The following SYT9 variants were observed in gnomAD, a reference collection of about 807,000 sequenced individuals.
SYT9 encodes the protein synaptotagmin-9.
In SYT9, 22 loss-of-function variants were observed where a neutral mutation model predicts 48.4. The ratio of observed to expected loss-of-function variants is 0.45; its 90% CI spans 0.32 to 0.65. The LOEUF (loss-of-function observed/expected upper bound fraction) is 0.65, where lower values mean the gene tolerates loss of function less well. SYT9 is among the 30% of genes least tolerant of loss of function. SYT9 has a pLI of 0.03. For synonymous variants in SYT9, 265 were observed against 245.0 expected, an observed-to-expected ratio of 1.08 and a Z score of -0.76; for missense variants, 577 against 622.0, an observed-to-expected ratio of 0.93 and a Z score of 0.77.
chr11:7,449,750 C>T (rs1422925442), intron 6 of SYT9, among the ~76,000 whole-genome samples: 2 of 152,156 alleles, frequency 1.3e-5, no homozygotes, highest in African/African-American at 4.8e-5. Flanking sequence ...AAAATAAAGC[C>T]ACAGCCATCC....
chr11:7,297,536 A>G (rs1250302220), intron 1 of SYT9, among the ~76,000 whole-genome samples: 1 of 152,202 alleles, frequency 6.6e-6, no homozygotes. Context: ...TCTTAGTTGT[A>G]TGGTGTTTTA....
intron 1 of SYT9, among the ~76,000 whole-genome samples, chr11:7,294,754 C>G (rs1415687140): frequency 1.3e-5 from 2 of 152,212 alleles, no homozygotes; most frequent in Non-Finnish European, 2.9e-5. Flanking sequence ...ACCCACACAT[C>G]TGGGCAGCCC....
At position 7,278,775 on chromosome 11, in the gene SYT9, AC is replaced by A. The variant is rs138595708; in HGVS notation, c.146-24263del. Among the ~76,000 whole-genome samples the A allele has an allele frequency of 1.9e-3, 286 of 152,360 alleles. 2 individuals carry two copies. Among genetic ancestry groups the A allele is most frequent in the African/African-American group, 6.6e-3 (274 of 41,582 alleles). ...TTTAGATTCTCACATTCTAATTCTT[AC>A]AAGTGGAGAAGAAGGGGAGACTGCG... On this transcript the variant is annotated intron_variant, in intron 1 of 6. Coordinates refer to ENST00000318881, the MANE Select transcript of SYT9 (RefSeq NM_175733.4).
Position 7,355,038 on chromosome 11 carries a change from C to T in SYT9, c.1044+41097C>T, listed in dbSNP as rs190560084. ...GTACCTGTAATAGAGAAGGGATTTT[C>T]GATACACATTAATTATTATTTCTTC... On this transcript the variant is annotated intron_variant, in intron 3 of 6. Coordinates refer to ENST00000318881, the MANE Select transcript of SYT9 (RefSeq NM_175733.4). Among the ~76,000 whole-genome samples, 249 of 152,180 alleles carry T rather than the reference C, an allele frequency of 1.6e-3. 3 individuals are homozygous for T. Among genetic ancestry groups the T allele is most frequent in the Non-Finnish European group, 2.7e-3 (185 of 68,008 alleles).
intron 6 of SYT9, among the ~76,000 whole-genome samples, chr11:7,430,616 A>AT (rs1847552217): frequency 6.6e-6 from 1 of 152,174 alleles, no homozygotes; most frequent in African/African-American, 2.4e-5. Flanking sequence ...GTAATCCCCA[A>AT]TGTTGGAGGT....
chr11:7,453,563 A>G (rs530768542), intron 6 of SYT9, among the ~76,000 whole-genome samples: 1 of 152,344 alleles, frequency 6.6e-6, no homozygotes, highest in Admixed American at 6.5e-5. Context: ...ATACAGTTGA[A>G]CAGAAAATAG....
intron 6 of SYT9, among the ~76,000 whole-genome samples, chr11:7,434,349 G>A (rs1353340871): frequency 6.6e-6 from 1 of 152,204 alleles, no homozygotes; most frequent in African/African-American, 2.4e-5. Flanking sequence ...AGTGAGTGGG[G>A]CTCTCTATGG....
rs977643069 is a variant in SYT9, at chr11:7,252,928, A to T, written c.145+597A>T. ...ACCCGTTCCCGGCGGGTCGCACGGC[A>T]TGGAGGTGGCCTGGGCCTGGGCGCT... On this transcript the variant is annotated intron_variant, in intron 1 of 6. Coordinates refer to ENST00000318881, the MANE Select transcript of SYT9 (RefSeq NM_175733.4). This position sits in a 1 kb window ranked among gnomAD's most constrained non-coding sequence, Gnocchi z 6.3. Among the ~76,000 whole-genome samples, 1 of 152,196 alleles carries T rather than the reference A, an allele frequency of 6.6e-6. No homozygotes were observed. Among genetic ancestry groups the T allele is most frequent in the Admixed American group, 6.5e-5 (1 of 15,284 alleles).
At chr11:7,286,648 C>T (rs1170279337) in intron 1 of SYT9, among the ~76,000 whole-genome samples, 10 of 152,174 alleles carry the variant, frequency 6.6e-5, no homozygotes, top group Admixed American at 3.3e-4. Flanking sequence ...AACTTTTATG[C>T]TCTGCTTCCT....
rs1848363463 is a variant in SYT9 at position 7,468,119 on chromosome 11, T to G, written c.*1319T>G. 2.5e-6 allele frequency: 1 copy of G among 395,512 alleles called. No individual in the cohort carries two copies. The allele number at this position is 395,512 out of a possible 1,614,324, so 24.5% of individuals were successfully genotyped here. A position where few individuals can be genotyped will look rare whatever the true frequency, so the allele number is the denominator to read the frequency against. On this transcript the variant is annotated 3_prime_UTR_variant, in exon 7 of 7. Transcript: ENST00000318881. ...CCCATCCACACATTTGCACCACTACTCCAAGATAGTATTTTTCTTTTCACA... is the reference window on the plus strand; with the variant it reads ...CCCATCCACACATTTGCACCACTACGCCAAGATAGTATTTTTCTTTTCACA...
At chr11:7,416,643 A>G (rs767259854) in intron 4 of SYT9, among the ~76,000 whole-genome samples, 8 of 152,220 alleles carry the variant, frequency 5.3e-5, no homozygotes, top group Non-Finnish European at 1.0e-4. Flanking sequence ...ATTGTAAGCA[A>G]TCTAGAGATG....
At chr11:7,306,173 A>G (rs1482091509) in intron 2 of SYT9, among the ~76,000 whole-genome samples, 1 of 152,054 alleles carries the variant, frequency 6.6e-6, no homozygotes, top group Non-Finnish European at 1.5e-5. Flanking sequence ...ATTTTCTCAG[A>G]ATTTTTTAAT....
intron 6 of SYT9, chr11:7,454,135 A>C (rs1344095138): frequency 2.1e-5 from 21 of 984,946 alleles, no homozygotes; most frequent in Non-Finnish European, 2.5e-5. Context: ...CTTGCTACCT[A>C]CCTGATTTCC....
intron 3 of SYT9, among the ~76,000 whole-genome samples, chr11:7,339,831 T>C (rs1849685055): frequency 6.6e-6 from 1 of 152,176 alleles, no homozygotes; most frequent in Non-Finnish European, 1.5e-5. Flanking sequence ...TGATTATGCA[T>C]CTTGGAGATG....
At position 7,420,710 on chromosome 11, in the gene SYT9, CAT is replaced by C. The variant is rs1297931603; in HGVS notation, c.1467+78_1467+79del. The C allele has an allele frequency of 1.9e-6, 3 of 1,568,694 alleles. No individual in the cohort carries two copies. In the African/African-American group the frequency reaches 4.1e-5, roughly 21 times the overall value. ...CTGTTGAAATGCAGGAGCTGCCAAA[CAT>C]ATGAGTGCACCAGGATCTATGGTCA... On this transcript the variant is annotated intron_variant, in intron 6 of 6. Transcript: ENST00000318881.
chr11:7,367,303 G>A (rs1440438355), intron 3 of SYT9, among the ~76,000 whole-genome samples: 1 of 148,442 alleles, frequency 6.7e-6, no homozygotes. Context: ...CCGTGGTCTC[G>A]ATCTCCTGAC....
chr11:7,403,079 C>A (rs1375998086), intron 3 of SYT9, among the ~76,000 whole-genome samples: 1 of 151,842 alleles, frequency 6.6e-6, no homozygotes, highest in East Asian at 1.9e-4. Context: ...ATTTTTAGAA[C>A]AGAAGCTGAG....
chr11:7,440,920 G>C (rs1489186700), intron 6 of SYT9: 2 of 152,164 alleles, frequency 1.3e-5, no homozygotes. Context: ...CAACCCACAA[G>C]ACCAGTTGCT....
At chr11:7,287,192 C>T (rs1027824349) in intron 1 of SYT9, among the ~76,000 whole-genome samples, 38 of 152,272 alleles carry the variant, frequency 2.5e-4, no homozygotes, top group African/African-American at 7.5e-4. Flanking sequence ...GAAGCAACCA[C>T]GCCTTTCTTC....
Sources: allele counts gnomAD v4.1 joint callset (sites outside exome capture counted in the v4.1 genomes callset), GRCh38; gene constraint gnomAD v4.1.1; non-coding constraint Gnocchi (gnomAD v3.1); transcripts MANE v1.5; gene names NCBI Gene and HGNC (gene_info 2026-07-23, HGNC 2026-07-21).